Variants in PBLD observed in about 807,000 individuals in gnomAD.
PBLD encodes phenazine biosynthesis like protein domain containing, also known as phenazine biosynthesis-like domain-containing protein.
In PBLD, 26 loss-of-function variants were observed where a neutral mutation model predicts 31.3. The observed-to-expected ratio is 0.83, with a 90% CI of 0.61 to 1.15. PBLD has a LOEUF of 1.15. PBLD is among the 50% of genes most tolerant of loss of function. PBLD has a pLI of 0.00. For synonymous variants in PBLD, 114 were observed against 129.0 expected (o/e 0.88, Z 0.79); for missense variants, 307 against 351.7 (o/e 0.87, Z 1.02).
intron 4 of PBLD, among the ~76,000 whole-genome samples, chr10:68,294,733 T>A (rs1442453305): frequency 6.6e-6 from 1 of 152,210 alleles, no homozygotes; most frequent in African/African-American, 2.4e-5. Flanking sequence ...ACTTTCTTTT[T>A]CTTCTTTTCC....
At chr10:68,310,684 A>G (rs1293536798) in intron 1 of PBLD, among the ~76,000 whole-genome samples, 1 of 149,538 alleles carries the variant, frequency 6.7e-6, no homozygotes, top group Non-Finnish European at 1.5e-5. Context: ...TTCCTCACTG[A>G]GTGAGATTAT....
chr10:68,292,133 G>A lies in PBLD; in HGVS notation c.389C>T (p.Pro130Leu). Reference protein sequence around the residue: ...VLDLPLYPAHPQDFHEVEDLI... With the variant: ...VLDLPLYPAHLQDFHEVEDLI... ...CAATAATTACAAAGAGCTGACCTGG[G>A]GGTGGGCTGGATAAAGAGGCAAGTC... The change falls in exon 5 of 10, where the codon CCC (proline) becomes CTC (leucine). Residue 130 changes from proline to leucine, a missense_variant. Physicochemically the swap from Pro to Leu is moderately conservative, Grantham distance 98 (BLOSUM62 -3). Coordinates refer to ENST00000358769, the MANE Select transcript of PBLD (RefSeq NM_022129.4). The A allele has an allele frequency of 1.9e-6, 3 of 1,612,626 alleles. No homozygotes were observed. Among genetic ancestry groups the A allele is most frequent in the African/African-American group, 1.3e-5 (1 of 75,024 alleles).
chr10:68,329,688 T>A (rs766505409), intron 1 of PBLD, among the ~76,000 whole-genome samples: 2 of 152,078 alleles, frequency 1.3e-5, no homozygotes, highest in African/African-American at 2.4e-5. Context: ...GACTATAAAG[T>A]TTCAGGCCTG....
intron 1 of PBLD, among the ~76,000 whole-genome samples, chr10:68,328,941 G>A (rs776481102): frequency 3.3e-5 from 5 of 152,168 alleles, no homozygotes; most frequent in African/African-American, 1.2e-4. Flanking sequence ...GCAGTGGCAC[G>A]ATCTCGGCTC....
intron 4 of PBLD, among the ~76,000 whole-genome samples, chr10:68,295,564 T>G (rs1329279817): frequency 6.6e-6 from 1 of 151,348 alleles, no homozygotes; most frequent in Non-Finnish European, 1.5e-5. Flanking sequence ...GGAGCGGAAA[T>G]AATTGGAGTG....
intron 1 of PBLD, among the ~76,000 whole-genome samples, chr10:68,321,747 C>T (rs1564738690): frequency 1.3e-5 from 2 of 152,132 alleles, no homozygotes; most frequent in Non-Finnish European, 2.9e-5. Context: ...CAGGAGTCAA[C>T]CTGGAAGAGC....
In PBLD at chr10:68,285,400, G is replaced by C. The variant is rs35708572; in HGVS notation, c.702C>G (p.His234Gln). The change falls in exon 9 of 10, where the codon CAC (histidine) becomes CAG (glutamine). Residue 234 changes from histidine to glutamine, a missense_variant. Physicochemically the swap from His to Gln is conservative, Grantham distance 24. Coordinates refer to ENST00000358769, the MANE Select transcript of PBLD (RefSeq NM_022129.4). ...GGGACCAGTAGCTGCTGAGAACAGC[G>C]TGTGCAGACCCTCAAAAGAAGTGAA... The part of the protein sequence containing the change: ...VAEDPVTGSA[H>Q]AVLSSYWSQH... The C allele has an allele frequency of 9.3e-6, 15 of 1,612,576 alleles. No individual in the cohort carries two copies. In the South Asian group the frequency reaches 1.7e-4, roughly 18 times the overall value.
At chr10:68,310,561 C>G (rs2044652854) in intron 1 of PBLD, among the ~76,000 whole-genome samples, 1 of 149,810 alleles carries the variant, frequency 6.7e-6, no homozygotes, top group South Asian at 2.1e-4. Context: ...CTCCTATCTA[C>G]TGTAATTATG....
At chr10:68,310,885 A>AATT (rs2044658548) in intron 1 of PBLD, among the ~76,000 whole-genome samples, 1 of 137,738 alleles carries the variant, frequency 7.3e-6, no homozygotes, top group Admixed American at 7.9e-5. Context: ...TAAAAATATC[A>AATT]TAAGCTGAAA....
intron 8 of PBLD, among the ~76,000 whole-genome samples, chr10:68,286,228 C>T (rs908035158): frequency 6.6e-5 from 10 of 152,018 alleles, no homozygotes; most frequent in Admixed American, 1.3e-4. Context: ...GCTGGGATTA[C>T]AGGCATGAGC....
At chr10:68,332,166 T>C (rs10998072) in intron 1 of PBLD, 26,811 of 152,296 alleles carry the variant, frequency 0.18, 3,769 homozygotes, top group African/African-American at 0.39. Flanking sequence ...TCTCCCTTCT[T>C]TGAACTGGAC....
chr10:68,288,482 C>T lies in PBLD; in HGVS notation c.691+1G>A. 1 of 1,612,648 alleles carries T rather than the reference C, an allele frequency of 6.2e-7. No homozygotes were observed. The highest frequency in any genetic ancestry group is 1.1e-5 in the South Asian group (1 of 90,780). On this transcript the variant is annotated splice_donor_variant, in intron 8 of 9. Coordinates refer to ENST00000358769, the MANE Select transcript of PBLD (RefSeq NM_022129.4). LOFTEE classifies it high-confidence loss of function. ...CTCCCCTGGGCTCAAGTAAAAAGTA[C>T]CTGTCACTGGGTCTTCAGCCACACC...
At chr10:68,328,619 C>T (rs973334369) in intron 1 of PBLD, among the ~76,000 whole-genome samples, 6 of 151,988 alleles carry the variant, frequency 3.9e-5, no homozygotes, top group Admixed American at 1.3e-4. Context: ...AAAAGGAAGA[C>T]AAAGAGAAAA....
intron 2 of PBLD, among the ~76,000 whole-genome samples, chr10:68,299,145 T>C (rs2044472066): frequency 6.6e-6 from 1 of 150,664 alleles, no homozygotes; most frequent in Admixed American, 6.6e-5. Flanking sequence ...CCGAAGTATG[T>C]TTTCCTTTTG....
chr10:68,297,991 C>T (rs1254251768), intron 2 of PBLD, among the ~76,000 whole-genome samples: 1 of 150,466 alleles, frequency 6.6e-6, no homozygotes, highest in Non-Finnish European at 1.5e-5. Flanking sequence ...TTTAGCTGGG[C>T]ATGGTGGCTT....
chr10:68,329,916 C>A (rs2044987886), intron 1 of PBLD, among the ~76,000 whole-genome samples: 1 of 152,172 alleles, frequency 6.6e-6, no homozygotes, highest in South Asian at 2.1e-4. Flanking sequence ...TACCACTCAA[C>A]TGTGTGACCT....
At chr10:68,295,662 T>C (rs1357417286) in intron 4 of PBLD, among the ~76,000 whole-genome samples, 1 of 151,356 alleles carries the variant, frequency 6.6e-6, no homozygotes, top group Admixed American at 6.6e-5. Context: ...ATCTCCAGTT[T>C]AAAATGAGGC....
rs2044316809 is a variant in PBLD, at chr10:68,288,556, C to G, written c.618G>C (p.Gly206=). The G allele has an allele frequency of 6.2e-7, 1 of 1,614,116 alleles. No individual in the cohort carries two copies. Among genetic ancestry groups the G allele is most frequent in the Non-Finnish European group, 8.5e-7 (1 of 1,180,046 alleles). Residue 206 remains glycine (G), a synonymous_variant, in exon 8 of 10, where the codon GGG becomes GGC. Transcript: ENST00000358769. ...AGTAAAAGTCAAATGCTTGGGTCTG[C>G]CCACCAGGCTCTCCTTTAAGGGTAA... ...LILTLKGEPG[G]QTQAFDFYSR...
At chr10:68,290,417 C>T (rs925213043) in intron 6 of PBLD, among the ~76,000 whole-genome samples, 1 of 152,152 alleles carries the variant, frequency 6.6e-6, no homozygotes, top group Admixed American at 6.6e-5. Flanking sequence ...TGAGTTTGTA[C>T]ATTGATTTAA....
Sources: allele counts gnomAD v4.1 joint callset (sites outside exome capture counted in the v4.1 genomes callset), GRCh38; gene constraint gnomAD v4.1.1; transcripts MANE v1.5; gene names NCBI Gene and HGNC (gene_info 2026-07-23, HGNC 2026-07-21).